RSPO2: variants seen among roughly 807,000 people sequenced by gnomAD.
RSPO2 encodes the protein R-spondin 2.
In RSPO2, 14 loss-of-function variants were observed where a neutral mutation model predicts 30.9. The ratio of observed to expected loss-of-function variants is 0.45; its 90% CI spans 0.30 to 0.71. RSPO2 has a LOEUF of 0.71. RSPO2 is among the 30% of genes least tolerant of loss of function. The pLI is 0.08. For missense variants in RSPO2, 264 were observed against 301.9 expected (o/e 0.87, Z 0.93); for synonymous variants, 107 against 96.4 (o/e 1.11, Z -0.64).
intron 2 of RSPO2, among the ~76,000 whole-genome samples, chr8:108,059,395 C>T (rs1812372218): frequency 1.3e-5 from 2 of 151,676 alleles, no homozygotes. Flanking sequence ...CAATTTTACA[C>T]TGTTGGTGGG....
rs1811388413 is a variant in RSPO2, at chr8:107,899,965, T to C, written c.*1110A>G. On this transcript the variant is annotated 3_prime_UTR_variant, in exon 6 of 6. Transcript: ENST00000276659. ...AGGCTCATGGTAGTAGCTTCTTCAGTGACCCAAGAACATTGGTAGGTGCCT... is the reference window on the plus strand; with the variant it reads ...AGGCTCATGGTAGTAGCTTCTTCAGCGACCCAAGAACATTGGTAGGTGCCT... The C allele has an allele frequency of 6.6e-6, 1 of 152,204 alleles. No homozygotes were observed. The allele number at this position is 152,204 out of a possible 1,614,324, so 9.4% of individuals were successfully genotyped here.
intron 5 of RSPO2, among the ~76,000 whole-genome samples, chr8:107,929,015 CAAGA>C (rs754568490): frequency 1.2e-4 from 18 of 152,144 alleles, no homozygotes; most frequent in Non-Finnish European, 7.3e-5. Flanking sequence ...AGCCAAATCA[CAAGA>C]AAGGCTGGAC....
Position 108,006,489 on chromosome 8 carries a change from A to G in RSPO2, c.95-17245T>C, listed in dbSNP as rs542902080. On this transcript the variant is annotated intron_variant, in intron 2 of 5. Transcript: ENST00000276659. ...GTCTGTTAAAAATAGGGACCTTCAA[A>G]GTGAAAAGGAAAAGATCAAGCATAG... Among the ~76,000 whole-genome samples the G allele has an allele frequency of 1.1e-4, 17 of 152,232 alleles. No individual in the cohort carries two copies. The South Asian group carries it at 3.5e-3, about 32-fold the overall frequency.
At chr8:108,061,900 T>G (rs1267872248) in intron 2 of RSPO2, among the ~76,000 whole-genome samples, 2 of 151,798 alleles carry the variant, frequency 1.3e-5, no homozygotes, top group African/African-American at 4.9e-5. Flanking sequence ...ACCGCTCAAC[T>G]ACATGGAAAC....
intron 2 of RSPO2, among the ~76,000 whole-genome samples, chr8:108,059,791 G>A (rs1252955677): frequency 1.4e-5 from 2 of 142,336 alleles, no homozygotes; most frequent in Non-Finnish European, 3.0e-5. Context: ...TCATAGGTGG[G>A]AATTGAACAA....
chr8:107,985,085 T>C (rs2130513366), intron 3 of RSPO2, among the ~76,000 whole-genome samples: 1 of 152,258 alleles, frequency 6.6e-6, no homozygotes, highest in Middle Eastern at 3.4e-3. Flanking sequence ...ATGCCAATAT[T>C]CAAGTGACAA....
At chr8:107,909,497 G>T (rs1016397026) in intron 5 of RSPO2, among the ~76,000 whole-genome samples, 1 of 151,944 alleles carries the variant, frequency 6.6e-6, no homozygotes, top group African/African-American at 2.4e-5. Context: ...TCCTGACCTC[G>T]TGATCCTCCT....
chr8:107,942,686 C>T (rs1812937754), intron 5 of RSPO2, among the ~76,000 whole-genome samples: 1 of 152,094 alleles, frequency 6.6e-6, no homozygotes, highest in Admixed American at 6.6e-5. Flanking sequence ...AGGAACTACA[C>T]ATTTGCTTTT....
chr8:108,031,283 C>T (rs756348583), intron 2 of RSPO2, among the ~76,000 whole-genome samples: 2 of 152,160 alleles, frequency 1.3e-5, no homozygotes, highest in African/African-American at 2.4e-5. Context: ...TAATGGATCA[C>T]CATTACACGG....
intron 2 of RSPO2, among the ~76,000 whole-genome samples, chr8:107,993,196 T>C (rs1294291851): frequency 6.6e-6 from 1 of 152,138 alleles, no homozygotes; most frequent in African/African-American, 2.4e-5. Flanking sequence ...CTAATGTAAA[T>C]TAAAATGTAA....
chr8:107,974,323 CAAAAAAAA>C (rs747026899), intron 3 of RSPO2, among the ~76,000 whole-genome samples: 2 of 83,566 alleles, frequency 2.4e-5, no homozygotes, highest in Non-Finnish European at 5.9e-5. Flanking sequence ...TTCATCTCTA[CAAAAAAAA>C]AAAAAAGAAA....
At chr8:108,049,818 T>A (rs2514842) in intron 2 of RSPO2, among the ~76,000 whole-genome samples, 2 of 151,880 alleles carry the variant, frequency 1.3e-5, no homozygotes, top group Admixed American at 6.6e-5. Flanking sequence ...GGGCATGTGG[T>A]TTGGTTCCAA....
At chr8:107,919,632 C>T (rs1812088821) in intron 5 of RSPO2, among the ~76,000 whole-genome samples, 1 of 152,086 alleles carries the variant, frequency 6.6e-6, no homozygotes, top group Admixed American at 6.5e-5. Flanking sequence ...ACTGGCTCAT[C>T]TGACCTTGTG....
chr8:107,965,013 T>C (rs1025668525), intron 3 of RSPO2, among the ~76,000 whole-genome samples: 1 of 152,188 alleles, frequency 6.6e-6, no homozygotes, highest in Non-Finnish European at 1.5e-5. Flanking sequence ...ATCTTATAAA[T>C]GAGTTAGTCA....
At chr8:108,065,687 C>T (rs1381763419) in intron 2 of RSPO2, among the ~76,000 whole-genome samples, 1 of 151,766 alleles carries the variant, frequency 6.6e-6, no homozygotes, top group Non-Finnish European at 1.5e-5. Context: ...ACTTTACTGT[C>T]CCCTGCCCAC....
At chr8:107,995,283 G>A (rs536077562) in intron 2 of RSPO2, among the ~76,000 whole-genome samples, 1 of 152,036 alleles carries the variant, frequency 6.6e-6, no homozygotes, top group Non-Finnish European at 1.5e-5. Context: ...TTGTTGGGGG[G>A]CAGAGCTAGG....
chr8:108,063,478 C>T lies in RSPO2; in HGVS notation c.94+19067G>A, dbSNP rs1482296943. ...GCCTAGGAATCCAACTTACAAGGGA[C>T]ATGAAGGACCTCTTCAAGGAGAACT... On this transcript the variant is annotated intron_variant, in intron 2 of 5. Coordinates refer to ENST00000276659, the MANE Select transcript of RSPO2 (RefSeq NM_178565.5). Among the ~76,000 whole-genome samples, 37 of 151,658 alleles carry T rather than the reference C, an allele frequency of 2.4e-4. 2 individuals carry two copies. Among genetic ancestry groups the T allele is most frequent in the Non-Finnish European group, 3.7e-4 (25 of 67,984 alleles).
intron 2 of RSPO2, among the ~76,000 whole-genome samples, chr8:108,006,014 A>G (rs1815441727): frequency 6.6e-6 from 1 of 152,208 alleles, no homozygotes; most frequent in East Asian, 1.9e-4. Flanking sequence ...ACAGAAATCA[A>G]ATGTTATTAT....
chr8:108,037,532 A>G (rs1811633762), intron 2 of RSPO2, among the ~76,000 whole-genome samples: 2 of 152,236 alleles, frequency 1.3e-5, no homozygotes, highest in Admixed American at 1.3e-4. Context: ...TGTCTAGAAG[A>G]TTTAATGAAG....
Sources: allele counts gnomAD v4.1 joint callset (sites outside exome capture counted in the v4.1 genomes callset), GRCh38; gene constraint gnomAD v4.1.1; transcripts MANE v1.5; gene names NCBI Gene and HGNC (gene_info 2026-07-23, HGNC 2026-07-21).